Variants in PIK3C2B observed in about 807,000 individuals in gnomAD.
PIK3C2B encodes phosphatidylinositol 4-phosphate 3-kinase C2 domain-containing subunit beta.
A neutral mutation model predicts 184.3 loss-of-function variants in PIK3C2B; 83 were observed. That is an observed-to-expected ratio of 0.45 (90% confidence interval 0.38 to 0.54). The LOEUF (loss-of-function observed/expected upper bound fraction) is 0.54. PIK3C2B is among the 20% of genes least tolerant of loss of function. The pLI, the probability that PIK3C2B is intolerant of heterozygous loss-of-function variation, is 0.00. For missense variants in PIK3C2B, 1,736 were observed against 2,113.5 expected, an observed-to-expected ratio of 0.82 and a Z score of 3.50; for synonymous variants, 779 against 837.6, an observed-to-expected ratio of 0.93 and a Z score of 1.21.
At chr1:204,434,069 G>A in intron 24 of PIK3C2B, 120 bp from the exon 25 acceptor site, 2 of 767,250 alleles carry the variant, frequency 2.6e-6, no homozygotes, top group South Asian at 1.7e-5. Context: ...GATAGAAGGG[G>A]CTCTAACTTT....
At chr1:204,429,424 T>C (rs1396749558) in intron 29 of PIK3C2B, among the ~76,000 whole-genome samples, 1 of 152,202 alleles carries the variant, frequency 6.6e-6, no homozygotes, top group Non-Finnish European at 1.5e-5. Context: ...TCCAGAGTTA[T>C]ACTTAAGCTA....
Position 204,433,543 on chromosome 1 carries a change from T to C in PIK3C2B, c.3844-118A>G, listed in dbSNP as rs1396570519. 2.7e-6 allele frequency: 2 copies of C among 744,714 alleles called. No individual in the cohort carries two copies. The highest frequency in any genetic ancestry group is 4.5e-6 in the Non-Finnish European group (2 of 440,330). 46.1% of individuals were successfully genotyped at this position (744,714 alleles called of 1,614,324 possible). A position where few individuals can be genotyped will look rare whatever the true frequency, so the allele number is the denominator to read the frequency against. ...GCTCCCTAACCCTTCTAGAGGGTGG[T>C]AGACAGATGCTGTGGGCAGTGGCTG... On this transcript the variant is annotated intron_variant, in intron 25 of 32. Coordinates refer to ENST00000684373, the MANE Select transcript of PIK3C2B (RefSeq NM_001377334.1). The surrounding 1 kb of genome is among the most constrained non-coding windows in gnomAD (Gnocchi z 5.0).
chr1:204,432,132 G>T, intron 27 of PIK3C2B, 68 bp downstream of exon 27: 2 of 1,440,128 alleles, frequency 1.4e-6, no homozygotes, highest in Non-Finnish European at 1.9e-6. Flanking sequence ...TGTGGAAAAA[G>T]TCAGGATCCC....
At chr1:204,445,021 A>C (rs2103484084) in intron 16 of PIK3C2B, among the ~76,000 whole-genome samples, 1 of 152,318 alleles carries the variant, frequency 6.6e-6, no homozygotes, top group Middle Eastern at 3.4e-3. Flanking sequence ...GGCAGCCCTA[A>C]CAGATCTAAG....
At chr1:204,461,675 G>A (rs951918148) in intron 5 of PIK3C2B, among the ~76,000 whole-genome samples, 3 of 152,144 alleles carry the variant, frequency 2.0e-5, no homozygotes, top group African/African-American at 7.2e-5. Context: ...CTCCGATCTA[G>A]ACCCTCTCAG....
At chr1:204,425,870 T>C in intron 31 of PIK3C2B, 129 bp from the exon 32 acceptor site, 1 of 773,922 alleles carries the variant, frequency 1.3e-6, no homozygotes, top group Non-Finnish European at 2.1e-6. Context: ...ACAACTAATT[T>C]ATTTGTCTGC....
chr1:204,424,936 C>T lies in PIK3C2B; in HGVS notation c.4821G>A (p.Val1607=), dbSNP rs1674668060. ...GFWENVLLGE[V]NIRLRELDLA... Reference sequence around the variant, plus strand: ...GGTCCAGCTCTCGCAGGCGGATGTTCACCTCACCGAGGAGGACGTTCTCCC... The same window carrying T: ...GGTCCAGCTCTCGCAGGCGGATGTTTACCTCACCGAGGAGGACGTTCTCCC... Residue 1607 remains valine, a synonymous_variant, in exon 33 of 33, where the codon GTG becomes GTA. Transcript: ENST00000684373. 6.2e-7 allele frequency: 1 copy of T among 1,614,102 alleles called. No homozygotes were observed.
intron 30 of PIK3C2B, 114 bp downstream of exon 30, chr1:204,428,025 A>G: frequency 1.5e-6 from 1 of 677,554 alleles, no homozygotes; most frequent in Non-Finnish European, 2.6e-6. Flanking sequence ...AGAGTAAGAA[A>G]AGGAACAGGA....
At chr1:204,486,351 T>C (rs892551165) in intron 1 of PIK3C2B, among the ~76,000 whole-genome samples, 3 of 139,726 alleles carry the variant, frequency 2.1e-5, no homozygotes, top group African/African-American at 8.2e-5. Context: ...GCTGGGATAG[T>C]GCCACTGCAC....
In PIK3C2B at chr1:204,447,107, G is replaced by C. The variant is rs1653944952; in HGVS notation, c.2489+329C>G. On this transcript the variant is annotated intron_variant, in intron 15 of 32. Coordinates refer to ENST00000684373, the MANE Select transcript of PIK3C2B (RefSeq NM_001377334.1). This position sits in a 1 kb window ranked among gnomAD's most constrained non-coding sequence, Gnocchi z 4.1. ...GAGGTGAGAGCAAGAGGTGGGGGCA[G>C]GGTGGTGGGGCCAGCTGCCCCAGTG... Among the ~76,000 whole-genome samples, 1 of 152,158 alleles carries C rather than the reference G, an allele frequency of 6.6e-6. No individual in the cohort carries two copies. The highest frequency in any genetic ancestry group is 2.1e-4 in the South Asian group (1 of 4,816).
intron 28 of PIK3C2B, chr1:204,431,434 TCAACCATG>T: frequency 1.8e-6 from 1 of 567,768 alleles, no homozygotes; most frequent in Admixed American, 3.0e-5. Context: ...AACATCAGAT[TCAACCATG>T]CCTTCCTTTC....
chr1:204,428,395 T>C (rs1051280054), intron 29 of PIK3C2B, among the ~76,000 whole-genome samples, 175 bp from the exon 30 acceptor site: 2 of 152,200 alleles, frequency 1.3e-5, no homozygotes, highest in South Asian at 2.1e-4. Context: ...TGGGGGATGA[T>C]AGGGAAATTT....
intron 18 of PIK3C2B, among the ~76,000 whole-genome samples, chr1:204,443,806 T>A (rs1255867360): frequency 6.6e-6 from 1 of 152,104 alleles, no homozygotes; most frequent in Admixed American, 6.6e-5. Flanking sequence ...TTAAGTAGAG[T>A]TCACAGCCCC....
At position 204,467,833 on chromosome 1, in the gene PIK3C2B, C is replaced by CAAAAAAAAAAAAAAAAAA. The variant is rs545904416; in HGVS notation, c.933+1036_933+1037insTTTTTTTTTTTTTTTTTT. On this transcript the variant is annotated intron_variant, in intron 2 of 32. Coordinates refer to ENST00000684373, the MANE Select transcript of PIK3C2B (RefSeq NM_001377334.1). ...CTGGTGACAGAGTGAGACTCTGTCT[C>CAAAAAAAAAAAAAAAAAA]AAAAAAAAAAAAAAAAAGAAGGCAT... 2.3e-5 allele frequency among the ~76,000 whole-genome samples: 2 copies of CAAAAAAAAAAAAAAAAAA among 88,566 alleles called. 1 individual carries two copies. Among genetic ancestry groups the CAAAAAAAAAAAAAAAAAA allele is most frequent in the African/African-American group, 8.2e-5 (2 of 24,282 alleles). 58.1% of individuals were successfully genotyped at this position (88,566 alleles called of 152,430 possible).
At chr1:204,445,221 A>C (rs1184738089) in intron 16 of PIK3C2B, among the ~76,000 whole-genome samples, 1 of 151,778 alleles carries the variant, frequency 6.6e-6, no homozygotes, top group Non-Finnish European at 1.5e-5. Context: ...AAAAAAAAAA[A>C]CAGAACAAAC....
At chr1:204,465,962 G>A (rs1004143789) in intron 2 of PIK3C2B, among the ~76,000 whole-genome samples, 16 of 152,328 alleles carry the variant, frequency 1.1e-4, no homozygotes, top group African/African-American at 2.9e-4. Flanking sequence ...CGAGTCAGCC[G>A]GCTCTGAACG....
At chr1:204,457,941 C>T (rs749742705) in intron 8 of PIK3C2B, 67 bp from the exon 9 acceptor site, 61 of 1,445,862 alleles carry the variant, frequency 4.2e-5, no homozygotes, top group Non-Finnish European at 5.2e-5. Context: ...AACCCCTCCC[C>T]ACCCCAGTCT....
At chr1:204,425,183 C>T (rs928771831) in intron 32 of PIK3C2B, 143 bp from the exon 33 acceptor site, 4 of 642,184 alleles carry the variant, frequency 6.2e-6, no homozygotes, top group Admixed American at 2.9e-5. Context: ...CCAGGTAATA[C>T]AGAAGGCACA....
At position 204,447,266 on chromosome 1, in the gene PIK3C2B, C is replaced by T. The variant is rs1653957959; in HGVS notation, c.2489+170G>A. The stretch of plus-strand genomic sequence containing the variant: ...TCTAATTTCCTGACCTTGACCTCTC[C>T]ACTTTTCCTAGTGTCAGCTGATGGA... On this transcript the variant is annotated intron_variant, in intron 15 of 32. Coordinates refer to ENST00000684373, the MANE Select transcript of PIK3C2B (RefSeq NM_001377334.1). This position sits in a 1 kb window ranked among gnomAD's most constrained non-coding sequence, Gnocchi z 4.1. Among the ~76,000 whole-genome samples, 1 of 152,110 alleles carries T rather than the reference C, an allele frequency of 6.6e-6. No homozygotes were observed. Among genetic ancestry groups the T allele is most frequent in the Non-Finnish European group, 1.5e-5 (1 of 68,012 alleles).
Sources: allele counts gnomAD v4.1 joint callset (sites outside exome capture counted in the v4.1 genomes callset), GRCh38; gene constraint gnomAD v4.1.1; non-coding constraint Gnocchi (gnomAD v3.1); transcripts MANE v1.5; gene names NCBI Gene and HGNC (gene_info 2026-07-23, HGNC 2026-07-21).